PPP6R2: variants seen among roughly 807,000 people sequenced by gnomAD.
PPP6R2 encodes the protein serine/threonine-protein phosphatase 6 regulatory subunit 2.
PPP6R2 carries 62 observed loss-of-function variants against 100.2 expected under a neutral mutation model. The observed-to-expected ratio is 0.62, with a 90% confidence interval of 0.50 to 0.76. The LOEUF (loss-of-function observed/expected upper bound fraction) is 0.76, where lower values mean the gene tolerates loss of function less well. PPP6R2 is among the 30% of genes least tolerant of loss of function. The pLI is 0.00. For synonymous variants in PPP6R2, 525 were observed against 514.7 expected, an observed-to-expected ratio of 1.02 and a Z score of -0.27; for missense variants, 1,142 against 1,276.3, an observed-to-expected ratio of 0.89 and a Z score of 1.60.
chr22:50,332,855 G>A, the PPP6R2 span, among the ~76,000 whole-genome samples: 13,020 of 151,668 alleles, frequency 0.086, 1,235 homozygotes, highest in African/African-American at 0.24. Flanking sequence ...ATCTCTTGAC[G>A]TCGTGATCCA....
In PPP6R2 at chr22:50,423,609, C is replaced by A; in HGVS notation, c.1120C>A (p.Leu374Met). 6 of 1,614,106 alleles carry A rather than the reference C, an allele frequency of 3.7e-6. No homozygotes were observed. Among genetic ancestry groups the A allele is most frequent in the Non-Finnish European group, 5.1e-6 (6 of 1,180,026 alleles). ...CTGCCGGCTCAACACGATGGACTTA[C>A]TGCTGGTAAGTGGGCCCCTCAGCCA... ...ELCRLNTMDL[L>M]LDLFFKYTWN... The change falls in exon 10 of 24, where the codon CTG becomes ATG. Residue 374 changes from leucine to methionine, a missense_variant. Physicochemically the swap from Leu to Met is conservative, Grantham distance 15. This residue lies in a region of PPP6R2 where 592 missense variants were observed against 758.9 expected (regional missense o/e 0.78). Transcript: ENST00000612753. The surrounding 1 kb of genome is among the most constrained non-coding windows in gnomAD (Gnocchi z 4.8).
At chr22:50,432,837 G>C (rs2063424741) in intron 12 of PPP6R2, among the ~76,000 whole-genome samples, 1 of 152,374 alleles carries the variant, frequency 6.6e-6, no homozygotes, top group South Asian at 2.1e-4. Context: ...AGGGACTCCA[G>C]GGAGCTGGGA....
At chr22:50,340,943 C>G (rs1246868897), upstream of PPP6R2, among the ~76,000 whole-genome samples, 3 of 152,048 alleles carry the variant, frequency 2.0e-5, no homozygotes, top group South Asian at 4.1e-4. Context: ...AAATGACTCG[C>G]TCTGTCGCCC....
At chr22:50,410,174 CCTA>C (rs2059542488) in intron 4 of PPP6R2, among the ~76,000 whole-genome samples, 1 of 151,986 alleles carries the variant, frequency 6.6e-6, no homozygotes, top group African/African-American at 2.4e-5. Context: ...CAAAAATAAA[CCTA>C]CTGAAATTTT....
chr22:50,409,699 T>C (rs2059471260), intron 4 of PPP6R2, among the ~76,000 whole-genome samples: 1 of 152,120 alleles, frequency 6.6e-6, no homozygotes, highest in South Asian at 2.1e-4. Flanking sequence ...GTGTTGGGAT[T>C]ACAGGCGTAA....
At chr22:50,398,969 C>T (rs1012408487) in intron 3 of PPP6R2, among the ~76,000 whole-genome samples, 2 of 152,158 alleles carry the variant, frequency 1.3e-5, no homozygotes, top group Admixed American at 6.5e-5. Context: ...GAATAGGGGC[C>T]GGGCGTGGTG....
chr22:50,396,364 A>G (rs200498135), intron 3 of PPP6R2, among the ~76,000 whole-genome samples: 99 of 151,506 alleles, frequency 6.5e-4, no homozygotes, highest in East Asian at 5.6e-3. Context: ...GTGTGGTGGC[A>G]TGTGCCTATA....
Position 50,443,973 on chromosome 22 carries a change from C to T in PPP6R2, c.2687C>T (p.Thr896Ile). 6.2e-7 allele frequency: 1 copy of T among 1,612,470 alleles called. No individual in the cohort carries two copies. Among genetic ancestry groups the T allele is most frequent in the Non-Finnish European group, 8.5e-7 (1 of 1,179,740 alleles). Residue 896 changes from threonine (T) to isoleucine (I), a missense_variant, in exon 23 of 24, where the codon ACC (threonine) becomes ATC (isoleucine). Thr to Ile is a moderately conservative substitution (Grantham distance 89, BLOSUM62 -1). Coordinates refer to ENST00000612753, the MANE Select transcript of PPP6R2 (RefSeq NM_001242898.2). ...CCCCCCGAGGCTACTGTGGCCATCA[C>T]CACAGCACTGAGCAAGGCTGGCCCC... is the stretch of plus-strand genomic sequence containing the variant. ...AVPPEATVAI[T>I]TALSKAGPAI...
intron 1 of PPP6R2, among the ~76,000 whole-genome samples, chr22:50,351,475 A>G (rs1033991543): frequency 4.6e-5 from 7 of 151,106 alleles, no homozygotes; most frequent in Non-Finnish European, 1.0e-4. Flanking sequence ...TACCCTGTCT[A>G]GCTATGAAAA....
upstream of PPP6R2, among the ~76,000 whole-genome samples, chr22:50,338,671 TGTGTGTGTAGTATGTGGTGTGTGTG>T (rs2042331336): frequency 7.2e-6 from 1 of 139,246 alleles, no homozygotes; most frequent in South Asian, 2.3e-4. Context: ...TGGTATGTGG[TGTGTGTGTAGTATGTGGTGTGTGTG>T]GTGTGTGTAG....
chr22:50,389,878 A>G (rs1338666717), intron 2 of PPP6R2, among the ~76,000 whole-genome samples: 1 of 151,694 alleles, frequency 6.6e-6, no homozygotes, highest in East Asian at 2.0e-4. Context: ...CATGAGCCAC[A>G]GTGCCCAGCC....
intron 2 of PPP6R2, among the ~76,000 whole-genome samples, chr22:50,374,390 T>C (rs2148569238): frequency 6.6e-6 from 1 of 152,226 alleles, no homozygotes; most frequent in South Asian, 2.1e-4. Context: ...TAAACACAGA[T>C]GCAGATGGAA....
At chr22:50,365,539 C>T (rs560576396) in intron 1 of PPP6R2, among the ~76,000 whole-genome samples, 3 of 151,718 alleles carry the variant, frequency 2.0e-5, no homozygotes, top group South Asian at 2.1e-4. Context: ...ATTAGCCCGG[C>T]GTGGTGGCGG....
rs1482117909 is a variant in PPP6R2, at chr22:50,419,236, C to T, written c.732-113C>T. 3 of 964,980 alleles carry T rather than the reference C, an allele frequency of 3.1e-6. No individual in the cohort carries two copies. In the African/African-American group the frequency reaches 4.9e-5, roughly 16 times the overall value. The allele number at this position is 964,980 out of a possible 1,614,324, so 59.8% of individuals were successfully genotyped here. On this transcript the variant is annotated intron_variant, in intron 7 of 23. Coordinates refer to ENST00000612753, the MANE Select transcript of PPP6R2 (RefSeq NM_001242898.2). ...AGAACCCTGGCGCCTTGCCTTGAGC[C>T]TGAGCAGGTTGAGGGTTTTGCTGGG... is the stretch of plus-strand genomic sequence containing the variant.
At chr22:50,355,966 TC>T (rs1213874906) in intron 1 of PPP6R2, among the ~76,000 whole-genome samples, 1 of 136,424 alleles carries the variant, frequency 7.3e-6, no homozygotes, top group Non-Finnish European at 1.5e-5. Flanking sequence ...TGTATTTCCC[TC>T]TTTTTTTTTT....
upstream of PPP6R2, among the ~76,000 whole-genome samples, chr22:50,338,314 G>GGTGTGTAGTGTGTGGTGTGTGTGTT: frequency 7.7e-6 from 1 of 130,308 alleles, no homozygotes; most frequent in East Asian, 2.3e-4. Flanking sequence ...GTGTGTGTGT[G>GGTGTGTAGTGTGTGGTGTGTGTGTT]GTGTGTGGTG....
At chr22:50,372,547 TCAAAA>T (rs775994538) in intron 2 of PPP6R2, among the ~76,000 whole-genome samples, 31 of 152,102 alleles carry the variant, frequency 2.0e-4, no homozygotes, top group East Asian at 7.7e-4. Flanking sequence ...AGACTCTGTT[TCAAAA>T]CAAAACAAAA....
intron 3 of PPP6R2, among the ~76,000 whole-genome samples, chr22:50,403,357 TTAGAGATCTGG>T (rs1485536371): frequency 6.6e-6 from 1 of 152,192 alleles, no homozygotes; most frequent in African/African-American, 2.4e-5. Context: ...GGTCTTAGTG[TTAGAGATCTGG>T]TAGACCTGGG....
chr22:50,365,830 A>T (rs1351287828), intron 1 of PPP6R2, among the ~76,000 whole-genome samples: 3 of 151,852 alleles, frequency 2.0e-5, no homozygotes, highest in Non-Finnish European at 2.9e-5. Context: ...CCAGGCCTCA[A>T]GTGATTCTCC....
Sources: allele counts gnomAD v4.1 joint callset (sites outside exome capture counted in the v4.1 genomes callset), GRCh38; gene constraint gnomAD v4.1.1; regional missense constraint gnomAD v4.1.1; non-coding constraint Gnocchi (gnomAD v3.1); transcripts MANE v1.5; gene names NCBI Gene and HGNC (gene_info 2026-07-23, HGNC 2026-07-21).